CDH8: variants seen among roughly 807,000 people sequenced by gnomAD.
CDH8 encodes cadherin-8.
In CDH8, 17 loss-of-function variants were observed where a neutral mutation model predicts 68.1. That is an observed-to-expected ratio of 0.25 (90% CI 0.17 to 0.37). The LOEUF is 0.37. Among genes scored for constraint, CDH8 ranks in the 10% least tolerant of loss-of-function variants. The pLI is 1.00. For synonymous variants in CDH8, 372 were observed against 365.1 expected (o/e 1.02, Z -0.21); for missense variants, 763 against 999.3 (o/e 0.76, Z 3.19).
chr16:62,032,102 T>C (rs1902341068), intron 1 of CDH8: 1 of 152,222 alleles, frequency 6.6e-6, no homozygotes, highest in African/African-American at 2.4e-5. Context: ...ATCAAAAAAT[T>C]GTTCTATTTC....
At chr16:61,834,813 T>C (rs1962533004) in intron 4 of CDH8, among the ~76,000 whole-genome samples, 1 of 151,978 alleles carries the variant, frequency 6.6e-6, no homozygotes, top group Non-Finnish European at 1.5e-5. Flanking sequence ...CAATTCATTT[T>C]CCACAGGTGA....
intron 10 of CDH8, among the ~76,000 whole-genome samples, chr16:61,697,779 T>C (rs1400421667): frequency 1.3e-5 from 2 of 152,212 alleles, no homozygotes; most frequent in African/African-American, 2.4e-5. Context: ...GCGTAAGCCA[T>C]TGTGGCCAGC....
intron 2 of CDH8, among the ~76,000 whole-genome samples, chr16:61,968,090 G>A (rs1021929197): frequency 7.9e-5 from 12 of 152,164 alleles, no homozygotes; most frequent in Non-Finnish European, 2.9e-5. Context: ...GATTACATAA[G>A]CAACCGGGCT....
rs1358572309 is a variant in CDH8, at chr16:61,791,325, A to G, written c.1278-1843T>C. On this transcript the variant is annotated intron_variant, in intron 7 of 11. Coordinates refer to ENST00000577390, the MANE Select transcript of CDH8 (RefSeq NM_001796.5). ...TGTTTATTGCAAAGTGTTTCAATGT[A>G]TTGTATTATGGAAAGAAGACCAAAA... is the stretch of plus-strand genomic sequence containing the variant. Among the ~76,000 whole-genome samples, 10 of 152,108 alleles carry G rather than the reference A, an allele frequency of 6.6e-5. No homozygotes were observed. In the South Asian group the frequency reaches 1.9e-3, roughly 28 times the overall value.
chr16:61,687,455 C>A lies in CDH8; in HGVS notation c.1654+26386G>T, dbSNP rs555866826. The stretch of plus-strand genomic sequence containing the variant: ...AAAGCCATTCTGTTCTTTAGCAGCA[C>A]TCTGGGCACCTAGGTTTCCTGATGC... On this transcript the variant is annotated intron_variant, in intron 10 of 11. Coordinates refer to ENST00000577390, the MANE Select transcript of CDH8 (RefSeq NM_001796.5). Among the ~76,000 whole-genome samples the A allele has an allele frequency of 2.1e-3, 319 of 152,112 alleles. 2 individuals carry two copies. The highest frequency in any genetic ancestry group is 3.7e-3 in the Admixed American group (57 of 15,244).
intron 4 of CDH8, among the ~76,000 whole-genome samples, chr16:61,829,083 T>G (rs559355877): frequency 6.6e-6 from 1 of 151,946 alleles, no homozygotes; most frequent in East Asian, 1.9e-4. Flanking sequence ...ATTAACTCCT[T>G]TACTTTCTGG....
At chr16:61,891,387 T>C (rs1487933454) in intron 3 of CDH8, among the ~76,000 whole-genome samples, 1 of 152,144 alleles carries the variant, frequency 6.6e-6, no homozygotes, top group Non-Finnish European at 1.5e-5. Flanking sequence ...TCAGACATAA[T>C]GTAGAAATAA....
chr16:61,699,296 T>G (rs9924841), intron 10 of CDH8, among the ~76,000 whole-genome samples: 53,392 of 151,972 alleles, frequency 0.35, 9,780 homozygotes, highest in Middle Eastern at 0.4. Flanking sequence ...TCCAGGAGAA[T>G]CTTTCACCAC....
intron 2 of CDH8, among the ~76,000 whole-genome samples, chr16:61,944,143 C>T (rs1447747182): frequency 1.3e-5 from 2 of 152,258 alleles, no homozygotes; most frequent in African/African-American, 4.8e-5. Flanking sequence ...TGTTCATTAC[C>T]TCAGAGGGGC....
rs116485363 is a variant in CDH8, at chr16:61,969,287, C to T, written c.252+51865G>A. ...TCGGGAACATAACCAGAAACAAGCA[C>T]AGAAAACCACTTCAGAAAGCTAACT... On this transcript the variant is annotated intron_variant, in intron 2 of 11. Coordinates refer to ENST00000577390, the MANE Select transcript of CDH8 (RefSeq NM_001796.5). Among the ~76,000 whole-genome samples the T allele has an allele frequency of 5.4e-3, 820 of 152,296 alleles. 8 individuals carry two copies. Among genetic ancestry groups the T allele is most frequent in the African/African-American group, 0.019 (780 of 41,562 alleles).
chr16:61,735,124 AT>A (rs1271850312), intron 8 of CDH8, among the ~76,000 whole-genome samples: 10 of 152,048 alleles, frequency 6.6e-5, no homozygotes, highest in African/African-American at 2.4e-4. Context: ...GACACTTGTC[AT>A]TGGATTTAAG....
intron 7 of CDH8, among the ~76,000 whole-genome samples, chr16:61,815,441 C>A (rs1205491749): frequency 2.0e-5 from 3 of 152,084 alleles, no homozygotes; most frequent in Admixed American, 1.3e-4. Flanking sequence ...CAACTATGAA[C>A]CTGGATTTAT....
chr16:61,686,091 T>C (rs1036880195), intron 10 of CDH8, among the ~76,000 whole-genome samples: 2 of 152,028 alleles, frequency 1.3e-5, no homozygotes, highest in African/African-American at 4.8e-5. Flanking sequence ...TGCCAGTTTT[T>C]GCTTATACGT....
intron 10 of CDH8, among the ~76,000 whole-genome samples, chr16:61,686,418 C>T (rs1435646151): frequency 6.6e-6 from 1 of 151,888 alleles, no homozygotes; most frequent in African/African-American, 2.4e-5. Flanking sequence ...ATTGAAAATC[C>T]ACTTTCTCAT....
At chr16:61,870,229 G>T (rs1171893319) in intron 3 of CDH8, among the ~76,000 whole-genome samples, 1 of 152,156 alleles carries the variant, frequency 6.6e-6, no homozygotes, top group Non-Finnish European at 1.5e-5. Flanking sequence ...ACCAGACAGG[G>T]CATGCTGATG....
chr16:61,771,164 T>A (rs1193838913), intron 8 of CDH8, among the ~76,000 whole-genome samples: 2 of 151,876 alleles, frequency 1.3e-5, no homozygotes, highest in Non-Finnish European at 2.9e-5. Context: ...ATTCACAGAT[T>A]TATTTTAGGT....
chr16:62,015,342 C>T (rs551898471), intron 2 of CDH8, among the ~76,000 whole-genome samples: 1 of 152,170 alleles, frequency 6.6e-6, no homozygotes, highest in African/African-American at 2.4e-5. Flanking sequence ...ATCTGAAATA[C>T]TTCTAGTCCC....
chr16:62,035,577 C>T (rs1169904196), intron 1 of CDH8, among the ~76,000 whole-genome samples: 1 of 152,156 alleles, frequency 6.6e-6, no homozygotes, highest in Non-Finnish European at 1.5e-5. Context: ...CGCCCTCCCT[C>T]GCCTCGGAGA....
rs1313058431 is a variant in CDH8, at chr16:61,649,813, C to T, written c.*3795G>A. The T allele has an allele frequency of 3.3e-5, 5 of 152,090 alleles. No homozygotes were observed. Among genetic ancestry groups the T allele is most frequent in the African/African-American group, 1.2e-4 (5 of 41,408 alleles). The allele number at this position is 152,090 out of a possible 1,614,324, so 9.4% of individuals were successfully genotyped here. A position where few individuals can be genotyped will look rare whatever the true frequency, so the allele number is the denominator to read the frequency against. ...ACTTAGCTCTCAGCACCCGCTTTTC[C>T]TTTTCCAAAATACAGCATAGCCCAG... On this transcript the variant is annotated 3_prime_UTR_variant, in exon 12 of 12. Transcript: ENST00000577390.
Sources: gnomAD v4.1 joint callset for allele counts (sites outside exome capture counted in the v4.1 genomes callset) on GRCh38, gnomAD v4.1.1 for gene constraint, MANE v1.5 for transcripts, NCBI Gene and HGNC (gene_info 2026-07-23, HGNC 2026-07-21) for gene names.